Variants in GRK1 observed in about 807,000 individuals in gnomAD.
GRK1 encodes rhodopsin kinase GRK1.
GRK1 carries 28 observed loss-of-function variants against 41.7 expected under a neutral mutation model. That is an observed-to-expected ratio of 0.67 (90% CI 0.50 to 0.92). The LOEUF is 0.92. Ranked by LOEUF, GRK1 falls within the 40% of genes least tolerant of loss-of-function variation. The pLI, the probability that GRK1 is intolerant of heterozygous loss-of-function variation, is 0.00. For synonymous variants in GRK1, 327 were observed against 286.7 expected (o/e 1.14, Z -1.42); for missense variants, 703 against 671.2 (o/e 1.05, Z -0.52).
chr13:113,727,775 CG>C (rs1279517108), intron 4 of GRK1, among the ~76,000 whole-genome samples: 9 of 89,804 alleles, frequency 1.0e-4, no homozygotes, highest in African/African-American at 3.7e-4. Flanking sequence ...GTACCCATGG[CG>C]ATGAGGAGTA....
chr13:113,659,169 G>A, the GRK1 span, among the ~76,000 whole-genome samples: 1 of 152,236 alleles, frequency 6.6e-6, no homozygotes, highest in South Asian at 2.1e-4. Context: ...AGGCAGTCTT[G>A]TTGGGCGGCG....
upstream of GRK1, chr13:113,667,143 C>T (rs2049823381): frequency 4.0e-6 from 2 of 496,114 alleles, no homozygotes; most frequent in Non-Finnish European, 7.1e-6. This position sits in a 1 kb window ranked among gnomAD's most constrained non-coding sequence, Gnocchi z 7.5. Context: ...CTTCTTGCCA[C>T]TCCTAAGCGT....
intron 4 of GRK1, among the ~76,000 whole-genome samples, chr13:113,730,495 G>A (rs1227270896): frequency 1.3e-5 from 2 of 149,446 alleles, no homozygotes; most frequent in South Asian, 2.1e-4. Context: ...CCTCCATCCC[G>A]AGACAGTCCC....
rs1257094247 is a variant in GRK1, at chr13:113,731,302, A to G, written c.1153A>G (p.Met385Val). 1 of 1,536,722 alleles carries G rather than the reference A, an allele frequency of 6.5e-7. No individual in the cohort carries two copies. Among genetic ancestry groups the G allele is most frequent in the African/African-American group, 1.4e-5 (1 of 72,904 alleles). Residue 385 changes from methionine to valine, a missense_variant, in exon 5 of 7, where the codon ATG becomes GTG. Coordinates refer to ENST00000335678, the MANE Select transcript of GRK1 (RefSeq NM_002929.3). The surrounding 1 kb of genome is among the most constrained non-coding windows in gnomAD (Gnocchi z 5.6). The part of the protein sequence containing the change: ...YFALGVTLYE[M>V]IAARGPFRAR... ...TGCCCTGGGGGTCACCCTGTATGAG[A>G]TGATTGCGGCCAGAGGACCCTTCCG...
chr13:113,654,034 A>G, the GRK1 span, among the ~76,000 whole-genome samples: 2 of 151,980 alleles, frequency 1.3e-5, no homozygotes, highest in Admixed American at 1.3e-4. Flanking sequence ...GTGGCCACAC[A>G]CTTCCACTTC....
upstream of GRK1, among the ~76,000 whole-genome samples, chr13:113,662,398 C>T (rs907755241): frequency 2.6e-5 from 4 of 152,154 alleles, no homozygotes; most frequent in East Asian, 1.9e-4. Flanking sequence ...ACCCCAAGAC[C>T]GGGAACAAGC....
At chr13:113,726,707 T>G (rs2049891042) in intron 4 of GRK1, among the ~76,000 whole-genome samples, 1 of 151,966 alleles carries the variant, frequency 6.6e-6, no homozygotes, top group Non-Finnish European at 1.5e-5. Flanking sequence ...GAGCCTGCGG[T>G]CTGGTGGGCC....
chr13:113,649,298 G>T, the GRK1 span: 49 of 1,499,640 alleles, frequency 3.3e-5, no homozygotes, highest in Non-Finnish European at 4.3e-5. This position sits in a 1 kb window ranked among gnomAD's most constrained non-coding sequence, Gnocchi z 4.7. Flanking sequence ...GGGAACTGAC[G>T]GGCAAGGTAA....
intron 2 of GRK1, 125 bp downstream of exon 2, chr13:113,669,939 T>C: frequency 8.8e-7 from 1 of 1,138,774 alleles, no homozygotes; most frequent in Non-Finnish European, 1.2e-6. Context: ...AGGGAAGCCT[T>C]GCACCCATCA....
At chr13:113,659,388 T>C in the GRK1 span, among the ~76,000 whole-genome samples, 2 of 152,160 alleles carry the variant, frequency 1.3e-5, no homozygotes. Flanking sequence ...GAGTTTCCCA[T>C]ACTGTCAACT....
At chr13:113,728,325 A>ATG (rs2049908213) in intron 4 of GRK1, among the ~76,000 whole-genome samples, 1 of 62,250 alleles carries the variant, frequency 1.6e-5, no homozygotes, top group African/African-American at 1.1e-4. Flanking sequence ...TACCCATGGC[A>ATG]AGGAGTACCC....
rs1017195834 is a variant in GRK1 at position 113,733,066 on chromosome 13, C to A, written c.1377C>A (p.Asn459Lys). The A allele has an allele frequency of 6.5e-7, 1 of 1,536,486 alleles. No homozygotes were observed. The highest frequency in any genetic ancestry group is 8.7e-7 in the Non-Finnish European group (1 of 1,146,694). The change falls in exon 6 of 7, where the codon AAC (asparagine) becomes AAA (lysine). Residue 459 changes from asparagine to lysine, a missense_variant. Coordinates refer to ENST00000335678, the MANE Select transcript of GRK1 (RefSeq NM_002929.3). ...LRAHPLFKDL[N>K]WRQLEAGMLM... ...CCCACCCCCTCTTCAAGGACCTTAA[C>A]TGGAGGCAGCTGGAGGCTGGTACTG... is the stretch of plus-strand genomic sequence containing the variant.
chr13:113,733,969 CGTGTGTGCGCATGT>C (rs2049978726), intron 6 of GRK1, among the ~76,000 whole-genome samples: 1 of 87,844 alleles, frequency 1.1e-5, no homozygotes, highest in African/African-American at 5.0e-5. Context: ...CGTGTGTGTG[CGTGTGTGCGCATGT>C]GTGTGCATAC....
intron 4 of GRK1, among the ~76,000 whole-genome samples, chr13:113,727,992 GGCGATGAGTACCCATGGCGATGAGGAGT>G (rs2049902879): frequency 1.2e-5 from 1 of 86,366 alleles, no homozygotes; most frequent in African/African-American, 6.3e-5. Context: ...GAGTACCCAT[GGCGATGAGTACCCATGGCGATGAGGAGT>G]ACCCATGGCG....
chr13:113,666,795 T>G (rs1444011751), upstream of GRK1, among the ~76,000 whole-genome samples: 2 of 152,102 alleles, frequency 1.3e-5, no homozygotes, highest in Non-Finnish European at 2.9e-5. Flanking sequence ...CTCTCTAAAT[T>G]CCTATTATCA....
At chr13:113,727,065 G>T (rs1466216904) in intron 4 of GRK1, among the ~76,000 whole-genome samples, 1 of 152,260 alleles carries the variant, frequency 6.6e-6, no homozygotes, top group Non-Finnish European at 1.5e-5. Flanking sequence ...CAACGGGCCT[G>T]TCCGCCACTG....
chr13:113,733,779 G>GTCTGTGCA (rs2049967054), intron 6 of GRK1, among the ~76,000 whole-genome samples: 1 of 108,570 alleles, frequency 9.2e-6, no homozygotes, highest in African/African-American at 5.0e-5. Flanking sequence ...GTGTGCATAC[G>GTCTGTGCA]TGTGTGCATG....
At chr13:113,723,984 G>A (rs2049874138) in intron 4 of GRK1, among the ~76,000 whole-genome samples, 2 of 152,092 alleles carry the variant, frequency 1.3e-5, no homozygotes, top group Admixed American at 6.5e-5. Flanking sequence ...ATGCATGCCC[G>A]GGTCTCTGTG....
At chr13:113,655,002 G>T in the GRK1 span, 4 of 1,602,472 alleles carry the variant, frequency 2.5e-6, no homozygotes, top group South Asian at 2.2e-5. Context: ...ACACAATTCG[G>T]TGGCCTTGAG....
Sources: gnomAD v4.1 joint callset for allele counts (sites outside exome capture counted in the v4.1 genomes callset) on GRCh38, gnomAD v4.1.1 for gene constraint, Gnocchi (gnomAD v3.1) non-coding constraint, MANE v1.5 for transcripts, NCBI Gene and HGNC (gene_info 2026-07-23, HGNC 2026-07-21) for gene names.